The following PDE7B variants were observed in gnomAD, a reference collection of about 807,000 sequenced individuals.
The protein encoded by PDE7B is 3',5'-cyclic-AMP phosphodiesterase 7B.
A neutral mutation model predicts 56.2 loss-of-function variants in PDE7B; 29 were observed. The observed-to-expected ratio is 0.52, with a 90% CI of 0.38 to 0.70. The LOEUF is 0.70. Ranked by LOEUF, PDE7B falls within the 30% of genes least tolerant of loss-of-function variation. PDE7B has a pLI of 0.00. For missense variants in PDE7B, 490 were observed against 565.0 expected, an observed-to-expected ratio of 0.87 and a Z score of 1.35; for synonymous variants, 197 against 196.9, an observed-to-expected ratio of 1.00 and a Z score of 0.00.
At chr6:135,908,088 C>T (rs570119663) in intron 1 of PDE7B, among the ~76,000 whole-genome samples, 1 of 144,866 alleles carries the variant, frequency 6.9e-6, no homozygotes. Context: ...TTGTCAACTG[C>T]TTTTTTTTTT....
intron 1 of PDE7B, among the ~76,000 whole-genome samples, chr6:135,876,858 CAAA>C (rs527740742): frequency 7.1e-6 from 1 of 141,710 alleles, no homozygotes; most frequent in Non-Finnish European, 1.6e-5. Flanking sequence ...GACTCTGTGT[CAAA>C]AAAAAAAAAA....
chr6:136,181,961 G>A (rs951361760), intron 11 of PDE7B, among the ~76,000 whole-genome samples: 1 of 152,174 alleles, frequency 6.6e-6, no homozygotes, highest in Non-Finnish European at 1.5e-5. Flanking sequence ...GTTGGGTGGG[G>A]TATCAACCTT....
rs549846593 is a variant in PDE7B at position 136,069,893 on chromosome 6, A to G, written c.83-38838A>G. 1.1e-4 allele frequency among the ~76,000 whole-genome samples: 17 copies of G among 152,312 alleles called. No homozygotes were observed. In the East Asian group the frequency reaches 3.3e-3, roughly 29 times the overall value. ...AATCTCTTTTTCTGTCTATTGATCA[A>G]TGAAACTATCTCTAATCCGAGTCAT... On this transcript the variant is annotated intron_variant, in intron 2 of 12. Transcript: ENST00000308191.
chr6:136,020,163 A>G (rs1194073551), intron 2 of PDE7B, among the ~76,000 whole-genome samples: 1 of 152,112 alleles, frequency 6.6e-6, no homozygotes, highest in Admixed American at 6.6e-5. Context: ...CTGTGACCTC[A>G]TGCCTGGTTT....
chr6:136,054,049 C>T (rs1171152194), intron 2 of PDE7B, among the ~76,000 whole-genome samples: 1 of 151,820 alleles, frequency 6.6e-6, no homozygotes, highest in Non-Finnish European at 1.5e-5. Flanking sequence ...TGCAGAAGCT[C>T]TTTAGTTTAA....
chr6:136,103,161 T>C (rs576987990), intron 2 of PDE7B, among the ~76,000 whole-genome samples: 1 of 152,278 alleles, frequency 6.6e-6, no homozygotes, highest in Admixed American at 6.5e-5. Context: ...GGAAGCCTCC[T>C]ACTTAGCCAG....
chr6:135,854,815 G>A (rs1193805279), intron 1 of PDE7B, among the ~76,000 whole-genome samples: 1 of 152,150 alleles, frequency 6.6e-6, no homozygotes, highest in Non-Finnish European at 1.5e-5. Flanking sequence ...ACTTGAAGAA[G>A]AGAAGGAGAA....
In PDE7B at chr6:136,007,915, G is replaced by A. The variant is rs989117513; in HGVS notation, c.82+60391G>A. 2.0e-5 allele frequency among the ~76,000 whole-genome samples: 3 copies of A among 151,822 alleles called. No individual in the cohort carries two copies. In the South Asian group the frequency reaches 6.2e-4, roughly 32 times the overall value. On this transcript the variant is annotated intron_variant, in intron 2 of 12. Coordinates refer to ENST00000308191, the MANE Select transcript of PDE7B (RefSeq NM_018945.4). ...AGTTACATATGTATACATGTGCCAT[G>A]TTGGTGTGCTGCACCCAGTAACTCG...
intron 1 of PDE7B, among the ~76,000 whole-genome samples, chr6:135,918,163 T>C (rs997839728): frequency 3.9e-5 from 6 of 152,212 alleles, no homozygotes; most frequent in African/African-American, 7.2e-5. Flanking sequence ...TCAAAGTGTG[T>C]TCCTCCTCAG....
At chr6:136,184,845 G>A (rs1346571398) in intron 11 of PDE7B, among the ~76,000 whole-genome samples, 1 of 151,774 alleles carries the variant, frequency 6.6e-6, no homozygotes, top group Non-Finnish European at 1.5e-5. Flanking sequence ...CAGAGTGAAA[G>A]GGGGCAAAAA....
intron 2 of PDE7B, among the ~76,000 whole-genome samples, chr6:136,002,722 A>G (rs1011933781): frequency 6.6e-6 from 1 of 152,212 alleles, no homozygotes; most frequent in African/African-American, 2.4e-5. Flanking sequence ...TGACCTACAA[A>G]GAGACTTAGA....
At chr6:135,912,112 T>C (rs1019905870) in intron 1 of PDE7B, among the ~76,000 whole-genome samples, 1 of 152,130 alleles carries the variant, frequency 6.6e-6, no homozygotes, top group African/African-American at 2.4e-5. Flanking sequence ...ACACACACGT[T>C]AACACATGTA....
chr6:136,023,195 G>A (rs1466141958), intron 2 of PDE7B, among the ~76,000 whole-genome samples: 1 of 152,128 alleles, frequency 6.6e-6, no homozygotes, highest in African/African-American at 2.4e-5. Flanking sequence ...TTCCTTAAGT[G>A]AGTATTTACT....
chr6:135,928,500 T>TA (rs1774237489), intron 1 of PDE7B, among the ~76,000 whole-genome samples: 2 of 104,652 alleles, frequency 1.9e-5, no homozygotes, highest in Non-Finnish European at 3.7e-5. Context: ...TATATATATA[T>TA]TTATATATAT....
chr6:136,111,943 A>G (rs181527089), intron 3 of PDE7B, among the ~76,000 whole-genome samples: 171 of 152,204 alleles, frequency 1.1e-3, no homozygotes, highest in Middle Eastern at 6.8e-3. Context: ...GGATTTTTTT[A>G]AACCATTTAT....
chr6:136,119,766 G>T (rs1372329765), intron 3 of PDE7B, among the ~76,000 whole-genome samples: 1 of 152,226 alleles, frequency 6.6e-6, no homozygotes, highest in Non-Finnish European at 1.5e-5. Flanking sequence ...CTATGAAAGA[G>T]TTAACCAGGG....
At chr6:135,895,683 T>G (rs966131543) in intron 1 of PDE7B, among the ~76,000 whole-genome samples, 1 of 152,080 alleles carries the variant, frequency 6.6e-6, no homozygotes, top group African/African-American at 2.4e-5. Flanking sequence ...TAAGGTCTCA[T>G]GAAAACACTT....
At chr6:135,930,478 A>G (rs1411861812) in intron 1 of PDE7B, among the ~76,000 whole-genome samples, 1 of 152,134 alleles carries the variant, frequency 6.6e-6, no homozygotes, top group African/African-American at 2.4e-5. Context: ...GTGAGGCAAT[A>G]CTAGGAAAAG....
chr6:136,111,867 C>A (rs1394513356), intron 3 of PDE7B, among the ~76,000 whole-genome samples: 1 of 152,168 alleles, frequency 6.6e-6, no homozygotes, highest in Non-Finnish European at 1.5e-5. Context: ...TGGGCACAGA[C>A]CCCAAACTTC....
Sources: gnomAD v4.1 joint callset for allele counts (sites outside exome capture counted in the v4.1 genomes callset) on GRCh38, gnomAD v4.1.1 for gene constraint, MANE v1.5 for transcripts, NCBI Gene and HGNC (gene_info 2026-07-23, HGNC 2026-07-21) for gene names.